The following MATCAP2 variants were observed in gnomAD, a reference collection of about 807,000 sequenced individuals.
The protein encoded by MATCAP2 is microtubule associated tyrosine carboxypeptidase 2.
the MATCAP2 span, among the ~76,000 whole-genome samples, chr7:36,385,352 C>A: frequency 6.6e-6 from 1 of 152,196 alleles, no homozygotes; most frequent in Non-Finnish European, 1.5e-5. Context: ...TGTGGAAGAA[C>A]AATGAGGCAA....
At chr7:36,385,058 C>T in the MATCAP2 span, among the ~76,000 whole-genome samples, 1 of 152,070 alleles carries the variant, frequency 6.6e-6, no homozygotes, top group Non-Finnish European at 1.5e-5. Flanking sequence ...TGAAAAAGAT[C>T]CCTCTCTATA....
the MATCAP2 span, chr7:36,357,552 A>T: frequency 6.2e-7 from 1 of 1,613,398 alleles, no homozygotes; most frequent in African/African-American, 1.3e-5. Flanking sequence ...TTTAGAATAG[A>T]CTTCTTAGCA....
At chr7:36,389,282 T>C in the MATCAP2 span, among the ~76,000 whole-genome samples, 1 of 152,102 alleles carries the variant, frequency 6.6e-6, no homozygotes, top group Non-Finnish European at 1.5e-5. Context: ...AGGCTGGTCT[T>C]GAACTCCTGA....
chr7:36,333,926 G>A, the MATCAP2 span: 27 of 1,614,010 alleles, frequency 1.7e-5, no homozygotes, highest in Non-Finnish European at 2.1e-5. Flanking sequence ...TGGGGTCCTT[G>A]ACAAACCTGC....
chr7:36,336,574 T>TAAC, the MATCAP2 span, among the ~76,000 whole-genome samples: 2 of 152,134 alleles, frequency 1.3e-5, no homozygotes, highest in Non-Finnish European at 2.9e-5. Flanking sequence ...TCTCAAGTGC[T>TAAC]AACATCTGAT....
At chr7:36,375,312 G>A in the MATCAP2 span, among the ~76,000 whole-genome samples, 2 of 151,938 alleles carry the variant, frequency 1.3e-5, no homozygotes, top group African/African-American at 4.8e-5. Flanking sequence ...ATTTTTTCAT[G>A]TGTCGAAGGC....
the MATCAP2 span, among the ~76,000 whole-genome samples, chr7:36,358,127 G>C: frequency 2.6e-5 from 4 of 151,962 alleles, no homozygotes; most frequent in Non-Finnish European, 5.9e-5. Flanking sequence ...GAATCCGGGA[G>C]GCAGAGGTTG....
At chr7:36,367,307 G>C in the MATCAP2 span, 3 of 1,014,624 alleles carry the variant, frequency 3.0e-6, no homozygotes, top group Non-Finnish European at 2.4e-6. Context: ...CTCGTGCGAC[G>C]AAGGCCCGCG....
the MATCAP2 span, among the ~76,000 whole-genome samples, chr7:36,346,604 G>C: frequency 6.0e-3 from 921 of 152,286 alleles, 14 homozygotes; most frequent in African/African-American, 0.021. Flanking sequence ...AAAATAGACT[G>C]GTGGTTGCCT....
chr7:36,368,530 AG>A, the MATCAP2 span, among the ~76,000 whole-genome samples: 1 of 152,198 alleles, frequency 6.6e-6, no homozygotes, highest in East Asian at 1.9e-4. Flanking sequence ...CTCTGGTTCA[AG>A]CCACCACCAC....
chr7:36,390,159 C>A, the MATCAP2 span: 1 of 1,571,338 alleles, frequency 6.4e-7, no homozygotes, highest in Non-Finnish European at 8.7e-7. Context: ...TGTGTGCGCG[C>A]GTGCGCAGTG....
At chr7:36,354,326 C>T in the MATCAP2 span, among the ~76,000 whole-genome samples, 1 of 152,364 alleles carries the variant, frequency 6.6e-6, no homozygotes, top group Admixed American at 6.5e-5. Context: ...AGAGCATGAG[C>T]ACTGCCTCGG....
the MATCAP2 span, among the ~76,000 whole-genome samples, chr7:36,328,747 A>AAAAT: frequency 6.6e-6 from 1 of 151,750 alleles, no homozygotes; most frequent in Non-Finnish European, 1.5e-5. Context: ...TCCATCTCAC[A>AAAAT]AAATAAATAA....
chr7:36,325,976 C>G, the MATCAP2 span: 1 of 151,626 alleles, frequency 6.6e-6, no homozygotes, highest in Non-Finnish European at 1.5e-5. Flanking sequence ...AGGTGAGTAG[C>G]CCTTCCCCAA....
the MATCAP2 span, chr7:36,366,593 C>T: frequency 1.9e-5 from 24 of 1,274,662 alleles, no homozygotes; most frequent in South Asian, 3.0e-4. Flanking sequence ...TAATCACACA[C>T]CTAGCGTGTT....
At chr7:36,357,598 A>G in the MATCAP2 span, 1 of 1,577,034 alleles carries the variant, frequency 6.3e-7, no homozygotes, top group African/African-American at 1.4e-5. Flanking sequence ...TTTCTGTGTT[A>G]ATAAACAAAA....
At chr7:36,367,415 T>A in the MATCAP2 span, 2 of 737,644 alleles carry the variant, frequency 2.7e-6, no homozygotes, top group Non-Finnish European at 3.0e-6. Flanking sequence ...CGCGCTGGGG[T>A]CTCCAGCCAG....
At chr7:36,342,227 G>A in the MATCAP2 span, among the ~76,000 whole-genome samples, 4 of 151,100 alleles carry the variant, frequency 2.6e-5, no homozygotes, top group East Asian at 7.8e-4. Context: ...TTGTCCAGGC[G>A]GGAGTGCAAT....
chr7:36,333,890 C>T, the MATCAP2 span: 1 of 1,613,820 alleles, frequency 6.2e-7, no homozygotes, highest in Non-Finnish European at 8.5e-7. Flanking sequence ...CCCTCTTGGC[C>T]CGTACACAAT....
Sources: allele counts gnomAD v4.1 joint callset (sites outside exome capture counted in the v4.1 genomes callset), GRCh38; gene constraint gnomAD v4.1.1; transcripts MANE v1.5; gene names NCBI Gene and HGNC (gene_info 2026-07-23, HGNC 2026-07-21).